Variants in AP3B1 observed in about 807,000 individuals in gnomAD.
AP3B1 encodes the protein AP-3 complex subunit beta-1.
A neutral mutation model predicts 132.5 loss-of-function variants in AP3B1; 61 were observed. The ratio of observed to expected loss-of-function variants is 0.46; its 90% CI spans 0.37 to 0.57. The LOEUF (loss-of-function observed/expected upper bound fraction) is 0.57. Ranked by LOEUF, AP3B1 falls within the 20% of genes least tolerant of loss-of-function variation. The pLI, the probability that AP3B1 is intolerant of heterozygous loss-of-function variation, is 0.00. For synonymous variants in AP3B1, 388 were observed against 438.3 expected, an observed-to-expected ratio of 0.89 and a Z score of 1.43; for missense variants, 1,120 against 1,289.4, an observed-to-expected ratio of 0.87 and a Z score of 2.01.
intron 19 of AP3B1, 103 bp downstream of exon 19, chr5:78,113,649 C>A (rs376116431): frequency 6.9e-6 from 9 of 1,310,658 alleles, no homozygotes; most frequent in South Asian, 4.9e-5. Flanking sequence ...AAAAAATACA[C>A]ACTTTTTTTC....
chr5:78,116,733 T>A (rs1751852477), intron 17 of AP3B1, among the ~76,000 whole-genome samples: 1 of 152,046 alleles, frequency 6.6e-6, no homozygotes, highest in African/African-American at 2.4e-5. Flanking sequence ...ATCCTAAACA[T>A]CTAAGCCATC....
chr5:78,097,005 G>A (rs1391990883), intron 21 of AP3B1, among the ~76,000 whole-genome samples: 25 of 133,460 alleles, frequency 1.9e-4, no homozygotes, highest in African/African-American at 7.1e-4. Context: ...CTGTCCGGGA[G>A]GGAGGTGGGG....
At chr5:78,261,487 CAG>C (rs1319433650) in intron 2 of AP3B1, among the ~76,000 whole-genome samples, 2 of 152,076 alleles carry the variant, frequency 1.3e-5, no homozygotes, top group Non-Finnish European at 2.9e-5. Flanking sequence ...GTTTTTGAGA[CAG>C]AGTTTCACTC....
intron 17 of AP3B1, among the ~76,000 whole-genome samples, chr5:78,125,732 A>C (rs750184628): frequency 1.3e-5 from 2 of 152,192 alleles, no homozygotes; most frequent in Non-Finnish European, 2.9e-5. Flanking sequence ...ATTCTCTCTA[A>C]GTTACCAATT....
chr5:78,243,025 T>C (rs1447173836), intron 2 of AP3B1, among the ~76,000 whole-genome samples: 2 of 152,198 alleles, frequency 1.3e-5, no homozygotes, highest in African/African-American at 2.4e-5. Flanking sequence ...AGAATCCCCG[T>C]TACCAATTTC....
Position 78,228,217 on chromosome 5 carries a change from T to C in AP3B1, c.302A>G (p.Tyr101Cys). ...CTGTTCTTCAGCATATCGAACCAGG[T>C]AAACATATACCAACTTCTTGATCTG... ...NIEIKKLVYV[Y>C]LVRYAEEQQD... Residue 101 changes from tyrosine to cysteine, a missense_variant, in exon 4 of 27, where the codon TAC becomes TGC. Around this residue, in one of 3 missense-constraint regions of AP3B1, gnomAD observed 129 missense variants for 212.4 expected, o/e 0.61. Coordinates refer to ENST00000255194, the MANE Select transcript of AP3B1 (RefSeq NM_003664.5). 1 of 1,611,084 alleles carries C rather than the reference T, an allele frequency of 6.2e-7. No individual in the cohort carries two copies. The highest frequency in any genetic ancestry group is 8.5e-7 in the Non-Finnish European group (1 of 1,179,000).
chr5:78,151,049 GC>G (rs1203832514), intron 14 of AP3B1, among the ~76,000 whole-genome samples: 1 of 152,112 alleles, frequency 6.6e-6, no homozygotes, highest in Admixed American at 6.5e-5. Flanking sequence ...CTCCCAGGTA[GC>G]TGGGATTACA....
intron 22 of AP3B1, among the ~76,000 whole-genome samples, chr5:78,086,326 A>G (rs186538734): frequency 6.6e-6 from 1 of 152,344 alleles, no homozygotes; most frequent in East Asian, 1.9e-4. Context: ...TGAAAATGAT[A>G]ACAGGAAATA....
chr5:78,192,269 T>C (rs1289829489), intron 7 of AP3B1, among the ~76,000 whole-genome samples: 3 of 152,086 alleles, frequency 2.0e-5, no homozygotes, highest in East Asian at 3.8e-4. Context: ...ATAGGGAATC[T>C]AGAAAATGAA....
chr5:78,215,910 CTT>C (rs1206494267), intron 7 of AP3B1, 143 bp downstream of exon 7: 2 of 726,766 alleles, frequency 2.8e-6, no homozygotes, highest in Non-Finnish European at 4.6e-6. Context: ...TGGTTGCCTG[CTT>C]TAGTAAAAGA....
chr5:78,258,232 A>C (rs561272180), intron 2 of AP3B1, among the ~76,000 whole-genome samples: 1 of 152,366 alleles, frequency 6.6e-6, no homozygotes, highest in East Asian at 1.9e-4. Context: ...CAACTCATAG[A>C]ATGGGAGAAA....
chr5:78,257,165 A>C (rs1357138615), intron 2 of AP3B1, among the ~76,000 whole-genome samples: 1 of 152,188 alleles, frequency 6.6e-6, no homozygotes, highest in African/African-American at 2.4e-5. Flanking sequence ...TGGAAGTCCT[A>C]GCTAGAGCAA....
intron 17 of AP3B1, chr5:78,121,645 G>A (rs187285819): frequency 2.0e-5 from 3 of 152,274 alleles, no homozygotes; most frequent in Admixed American, 6.5e-5. Context: ...ACTAAACCAG[G>A]AAGAAGTTGA....
At position 78,022,730 on chromosome 5, in the gene AP3B1, G is replaced by A. The variant is rs1236704435; in HGVS notation, c.2895-1941C>T. Among the ~76,000 whole-genome samples the A allele has an allele frequency of 2.0e-5, 3 of 152,320 alleles. No individual in the cohort carries two copies. In the East Asian group the frequency reaches 5.8e-4, roughly 29 times the overall value. On this transcript the variant is annotated intron_variant, in intron 24 of 26. Coordinates refer to ENST00000255194, the MANE Select transcript of AP3B1 (RefSeq NM_003664.5). ...GTTTTAGAAACTCCAGTGGCAGTAT[G>A]TAAGGTGGAGTAAGGGAGAAATCAA...
chr5:78,110,707 T>C (rs1257816050), intron 19 of AP3B1, among the ~76,000 whole-genome samples: 1 of 151,494 alleles, frequency 6.6e-6, no homozygotes, highest in Non-Finnish European at 1.5e-5. Flanking sequence ...TGTGTGTGTG[T>C]GTGTGTGTAT....
intron 2 of AP3B1, among the ~76,000 whole-genome samples, chr5:78,258,452 C>A (rs1297359593): frequency 6.6e-6 from 1 of 152,138 alleles, no homozygotes; most frequent in East Asian, 1.9e-4. Context: ...CATCACTGAT[C>A]ATCAAAGAAA....
intron 17 of AP3B1, among the ~76,000 whole-genome samples, chr5:78,116,449 C>A (rs192780730): frequency 8.5e-5 from 13 of 152,162 alleles, no homozygotes; most frequent in Non-Finnish European, 1.5e-4. Flanking sequence ...GTTAAACCAA[C>A]AATCTTATTT....
chr5:78,191,259 T>C (rs996040514), intron 7 of AP3B1, among the ~76,000 whole-genome samples: 5 of 135,374 alleles, frequency 3.7e-5, no homozygotes, highest in African/African-American at 1.4e-4. Flanking sequence ...ACTGGAGGGC[T>C]AAAAAAACAG....
At chr5:78,112,987 T>C (rs989039154) in intron 19 of AP3B1, among the ~76,000 whole-genome samples, 5 of 152,252 alleles carry the variant, frequency 3.3e-5, no homozygotes, top group Admixed American at 3.3e-4. Context: ...AATTAGGGCA[T>C]TATGCTGTGT....
Sources: gnomAD v4.1 joint callset for allele counts (sites outside exome capture counted in the v4.1 genomes callset) on GRCh38, gnomAD v4.1.1 for gene constraint, gnomAD v4.1.1 regional missense constraint, MANE v1.5 for transcripts, NCBI Gene and HGNC (gene_info 2026-07-23, HGNC 2026-07-21) for gene names.